The following CTNNBL1 variants were observed in gnomAD, a reference collection of about 807,000 sequenced individuals.
CTNNBL1 encodes the protein catenin beta like 1, also known as beta-catenin-like protein 1.
CTNNBL1 carries 31 observed loss-of-function variants against 72.7 expected under a neutral mutation model. That is an observed-to-expected ratio of 0.43 (90% CI 0.32 to 0.58). The LOEUF (loss-of-function observed/expected upper bound fraction) is 0.58, where lower values mean the gene tolerates loss of function less well. CTNNBL1 is among the 20% of genes least tolerant of loss of function. The probability of loss-of-function intolerance (pLI) is 0.08; values close to 1 mark genes in which losing one functional copy is unlikely to be tolerated. For synonymous variants in CTNNBL1, 240 were observed against 267.3 expected, an observed-to-expected ratio of 0.90 and a Z score of 1.00; for missense variants, 534 against 725.1, an observed-to-expected ratio of 0.74 and a Z score of 3.03.
intron 4 of CTNNBL1, among the ~76,000 whole-genome samples, chr20:37,747,488 G>A (rs777275446): frequency 4.0e-5 from 6 of 151,504 alleles, no homozygotes; most frequent in Non-Finnish European, 5.9e-5. Flanking sequence ...ACTCTCAACC[G>A]CATTTTTGTG....
At chr20:37,829,902 G>A (rs1020766375) in intron 11 of CTNNBL1, among the ~76,000 whole-genome samples, 1 of 152,128 alleles carries the variant, frequency 6.6e-6, no homozygotes, top group African/African-American at 2.4e-5. Flanking sequence ...TGCGATCATG[G>A]CTCATTGCAG....
chr20:37,827,174 T>C (rs558886436), intron 11 of CTNNBL1, among the ~76,000 whole-genome samples: 1 of 152,252 alleles, frequency 6.6e-6, no homozygotes. Context: ...CATCCATTGG[T>C]AATTTGTTCC....
chr20:37,838,186 G>A (rs1411574570), intron 11 of CTNNBL1, among the ~76,000 whole-genome samples: 1 of 152,252 alleles, frequency 6.6e-6, no homozygotes, highest in Non-Finnish European at 1.5e-5. Context: ...GCAGCATTTA[G>A]TCTGAGTTGG....
At chr20:37,785,386 C>T (rs1275559402) in intron 10 of CTNNBL1, among the ~76,000 whole-genome samples, 3 of 152,182 alleles carry the variant, frequency 2.0e-5, no homozygotes, top group Non-Finnish European at 4.4e-5. Context: ...TCTTTAAGGC[C>T]AGTAACTATT....
intron 13 of CTNNBL1, among the ~76,000 whole-genome samples, chr20:37,848,482 C>T (rs1370371499): frequency 6.6e-6 from 1 of 152,066 alleles, no homozygotes; most frequent in Non-Finnish European, 1.5e-5. Flanking sequence ...CCTGTGGTTC[C>T]CAAACTTTCT....
At chr20:37,854,551 ATATTATTATTAT>A (rs139266490) in intron 13 of CTNNBL1, among the ~76,000 whole-genome samples, 8,987 of 129,184 alleles carry the variant, frequency 0.07, 460 homozygotes, top group African/African-American at 0.14. Flanking sequence ...CTGCCTCTCA[ATATTATTATTAT>A]TATTATTATT....
At chr20:37,729,635 T>C (rs2073113168) in intron 1 of CTNNBL1, among the ~76,000 whole-genome samples, 1 of 152,240 alleles carries the variant, frequency 6.6e-6, no homozygotes, top group Non-Finnish European at 1.5e-5. Context: ...ACTTGGCTGC[T>C]GCAGCAGGCT....
chr20:37,697,482 T>C (rs569478992), intron 1 of CTNNBL1, among the ~76,000 whole-genome samples: 2 of 152,280 alleles, frequency 1.3e-5, no homozygotes, highest in South Asian at 4.1e-4. Flanking sequence ...AAAGAGGATC[T>C]ATGTAGCTGA....
intron 9 of CTNNBL1, 140 bp downstream of exon 9, chr20:37,777,852 G>A (rs1568775959): frequency 5.0e-6 from 4 of 802,878 alleles, no homozygotes; most frequent in Admixed American, 4.2e-5. Flanking sequence ...AGGGTTATAC[G>A]GAGGGACATG....
chr20:37,735,233 C>T (rs1392476635), intron 2 of CTNNBL1, among the ~76,000 whole-genome samples: 3 of 152,144 alleles, frequency 2.0e-5, no homozygotes, highest in African/African-American at 7.2e-5. Context: ...CCCCTCCTCC[C>T]TTCCTCCATT....
intron 1 of CTNNBL1, among the ~76,000 whole-genome samples, chr20:37,722,470 T>A (rs1423221117): frequency 7.4e-6 from 1 of 135,594 alleles, no homozygotes; most frequent in East Asian, 2.1e-4. Flanking sequence ...TGAGGCTCCG[T>A]CTAAAATAAA....
intron 10 of CTNNBL1, among the ~76,000 whole-genome samples, chr20:37,793,168 C>T (rs906184702): frequency 6.6e-6 from 1 of 152,124 alleles, no homozygotes; most frequent in Non-Finnish European, 1.5e-5. Context: ...TTGTTCAAAT[C>T]GTCTATATTT....
rs187258999 is a variant in CTNNBL1, at chr20:37,821,824, C to T, written c.1214-18278C>T. ...CTTCATATTGTAGAGTGTTCAGCAG[C>T]ATCCTTGGCCTCTTGCCACAGCTGG... On this transcript the variant is annotated intron_variant, in intron 11 of 15. Coordinates refer to ENST00000361383, the MANE Select transcript of CTNNBL1 (RefSeq NM_030877.5). Among the ~76,000 whole-genome samples, 301 of 152,310 alleles carry T rather than the reference C, an allele frequency of 2.0e-3. 3 individuals are homozygous for T. The highest frequency in any genetic ancestry group is 9.8e-4 in the Non-Finnish European group (67 of 68,030).
At chr20:37,784,925 G>T (rs548940915) in intron 10 of CTNNBL1, among the ~76,000 whole-genome samples, 1 of 152,110 alleles carries the variant, frequency 6.6e-6, no homozygotes, top group African/African-American at 2.4e-5. Context: ...GATGGGTCTG[G>T]TGTTGATGAA....
intron 4 of CTNNBL1, among the ~76,000 whole-genome samples, chr20:37,747,374 A>G (rs1323844492): frequency 9.2e-6 from 1 of 108,660 alleles, no homozygotes; most frequent in African/African-American, 4.4e-5. Flanking sequence ...GTGGGACTCC[A>G]TCTCAAAAAA....
intron 10 of CTNNBL1, among the ~76,000 whole-genome samples, chr20:37,796,446 CTTT>C (rs199760235): frequency 5.8e-5 from 8 of 137,762 alleles, no homozygotes; most frequent in Admixed American, 7.3e-5. Context: ...TTTTGTTCAT[CTTT>C]TTTTTTTTTT....
At chr20:37,703,578 A>G (rs1411678336) in intron 1 of CTNNBL1, among the ~76,000 whole-genome samples, 7 of 152,168 alleles carry the variant, frequency 4.6e-5, no homozygotes, top group Non-Finnish European at 8.8e-5. Flanking sequence ...CTCTTAGTTC[A>G]CCGTCCCTGA....
At chr20:37,859,100 C>T (rs759652572) in intron 13 of CTNNBL1, among the ~76,000 whole-genome samples, 1 of 152,106 alleles carries the variant, frequency 6.6e-6, no homozygotes, top group Non-Finnish European at 1.5e-5. Flanking sequence ...GGCTGCCAGG[C>T]GTGGTGTCTC....
chr20:37,762,121 T>C (rs1600471563), intron 5 of CTNNBL1, among the ~76,000 whole-genome samples: 1 of 152,146 alleles, frequency 6.6e-6, no homozygotes, highest in Non-Finnish European at 1.5e-5. Context: ...GATAATGGAC[T>C]GGAGGGGCAA....
Sources: gnomAD v4.1 joint callset for allele counts (sites outside exome capture counted in the v4.1 genomes callset) on GRCh38, gnomAD v4.1.1 for gene constraint, MANE v1.5 for transcripts, NCBI Gene and HGNC (gene_info 2026-07-23, HGNC 2026-07-21) for gene names.